TENM3: variants seen among roughly 807,000 people sequenced by gnomAD.
The protein encoded by TENM3 is teneurin transmembrane protein 3, also known as teneurin-3.
A neutral mutation model predicts 255.1 loss-of-function variants in TENM3; 63 were observed. The ratio of observed to expected loss-of-function variants is 0.25; its 90% CI spans 0.20 to 0.30. The LOEUF is 0.30. Ranked by LOEUF, TENM3 falls within the 10% of genes least tolerant of loss-of-function variation. The pLI, the probability that TENM3 is intolerant of heterozygous loss-of-function variation, is 1.00. For synonymous variants in TENM3, 1,306 were observed against 1,322.3 expected (o/e 0.99, Z 0.27); for missense variants, 2,929 against 3,461.1 (o/e 0.85, Z 3.86).
chr4:181,856,133 G>GGA, the TENM3 span, among the ~76,000 whole-genome samples: 5 of 132,554 alleles, frequency 3.8e-5, no homozygotes, highest in East Asian at 2.6e-4. Context: ...AGGAAAGAAG[G>GGA]AAGAAGGAAG....
At chr4:182,384,311 G>GTTTTTTTTTTT (rs10638816) in intron 3 of TENM3, among the ~76,000 whole-genome samples, 1 of 147,860 alleles carries the variant, frequency 6.8e-6, no homozygotes. Flanking sequence ...CTGTGGTTCA[G>GTTTTTTTTTTT]TTTTTTTTTT....
intron 1 of TENM3, among the ~76,000 whole-genome samples, chr4:182,296,819 A>G (rs950838125): frequency 6.6e-6 from 1 of 152,178 alleles, no homozygotes; most frequent in African/African-American, 2.4e-5. Context: ...CTGATTTTTT[A>G]AAACACAAAT....
chr4:181,971,132 G>A, the TENM3 span, among the ~76,000 whole-genome samples: 1 of 152,104 alleles, frequency 6.6e-6, no homozygotes, highest in South Asian at 2.1e-4. Context: ...GTAATTTTTA[G>A]TGATATTCAG....
intron 3 of TENM3, among the ~76,000 whole-genome samples, chr4:182,383,007 C>T (rs1047037924): frequency 3.9e-5 from 6 of 152,110 alleles, no homozygotes; most frequent in Non-Finnish European, 8.8e-5. Context: ...CTTGCTAAAA[C>T]GTTAAGGAAG....
the TENM3 span, among the ~76,000 whole-genome samples, chr4:181,658,454 T>C: frequency 6.6e-6 from 1 of 152,176 alleles, no homozygotes; most frequent in African/African-American, 2.4e-5. Flanking sequence ...TCTTAGCCTC[T>C]CAACCTTCAA....
the TENM3 span, among the ~76,000 whole-genome samples, chr4:181,504,725 T>G: frequency 6.6e-6 from 1 of 152,240 alleles, no homozygotes. Flanking sequence ...GGCAACGCAC[T>G]TACCTTGAAG....
At chr4:182,769,629 C>CA (rs57243837) in intron 22 of TENM3, among the ~76,000 whole-genome samples, 1 of 150,366 alleles carries the variant, frequency 6.7e-6, no homozygotes, top group Non-Finnish European at 1.5e-5. Context: ...TAAAAATACA[C>CA]AAAAAAATTA....
chr4:181,984,793 T>C, the TENM3 span, among the ~76,000 whole-genome samples: 1 of 13,712 alleles, frequency 7.3e-5, no homozygotes, highest in African/African-American at 2.3e-4. Context: ...AAGAGTCGTG[T>C]GTGTGTGTGT....
chr4:182,060,451 A>G, the TENM3 span, among the ~76,000 whole-genome samples: 1 of 152,056 alleles, frequency 6.6e-6, no homozygotes, highest in Non-Finnish European at 1.5e-5. Flanking sequence ...ACAGTTCACA[A>G]TAGGATTCAC....
At chr4:182,694,347 C>T (rs1757228332) in intron 12 of TENM3, among the ~76,000 whole-genome samples, 1 of 152,066 alleles carries the variant, frequency 6.6e-6, no homozygotes, top group Non-Finnish European at 1.5e-5. Context: ...CTCCAGGACG[C>T]AAGCAATCCA....
the TENM3 span, among the ~76,000 whole-genome samples, chr4:181,867,038 C>A: frequency 6.6e-6 from 1 of 152,130 alleles, no homozygotes; most frequent in Non-Finnish European, 1.5e-5. Context: ...CCCCAATAAA[C>A]CTCTGCTTCT....
the TENM3 span, among the ~76,000 whole-genome samples, chr4:181,952,954 C>T: frequency 6.6e-6 from 1 of 152,226 alleles, no homozygotes; most frequent in Non-Finnish European, 1.5e-5. Flanking sequence ...ATGCATTCAA[C>T]AGTCATTGTG....
At chr4:181,748,011 T>C in the TENM3 span, among the ~76,000 whole-genome samples, 22 of 152,064 alleles carry the variant, frequency 1.4e-4, no homozygotes, top group Non-Finnish European at 2.4e-4. Flanking sequence ...CTAGCTATGC[T>C]AATTATTGTA....
intron 22 of TENM3, among the ~76,000 whole-genome samples, chr4:182,764,884 A>G (rs1561219088): frequency 6.6e-6 from 1 of 152,142 alleles, no homozygotes; most frequent in Non-Finnish European, 1.5e-5. Context: ...TTAAGGTAGA[A>G]AAGTAGGTTA....
the TENM3 span, among the ~76,000 whole-genome samples, chr4:181,745,013 C>T: frequency 2.2e-3 from 333 of 152,122 alleles, 3 homozygotes; most frequent in Middle Eastern, 0.014. Flanking sequence ...GAATTCTCAG[C>T]ATATAGATGG....
At chr4:182,081,427 T>C in the TENM3 span, among the ~76,000 whole-genome samples, 4 of 151,164 alleles carry the variant, frequency 2.6e-5, no homozygotes, top group African/African-American at 9.7e-5. Context: ...CTACTAAAAC[T>C]ATAAAAATTA....
the TENM3 span, among the ~76,000 whole-genome samples, chr4:181,612,714 G>T: frequency 7.2e-5 from 11 of 152,214 alleles, no homozygotes; most frequent in African/African-American, 2.6e-4. Context: ...CGAATAGCAA[G>T]AAGAGAAGAC....
At chr4:182,183,131 AAAAAT>A (rs1157376969) in intron 1 of TENM3, among the ~76,000 whole-genome samples, 1 of 152,202 alleles carries the variant, frequency 6.6e-6, no homozygotes, top group Non-Finnish European at 1.5e-5. Flanking sequence ...TAGCAACTGA[AAAAAT>A]AGGGAGTTGC....
At chr4:182,540,528 G>A (rs916320788) in intron 3 of TENM3, among the ~76,000 whole-genome samples, 3 of 152,082 alleles carry the variant, frequency 2.0e-5, no homozygotes, top group Admixed American at 6.6e-5. Flanking sequence ...CGGAGGTTAC[G>A]GTGAGCCGAG....
Sources: allele counts gnomAD v4.1 joint callset (sites outside exome capture counted in the v4.1 genomes callset), GRCh38; gene constraint gnomAD v4.1.1; transcripts MANE v1.5; gene names NCBI Gene and HGNC (gene_info 2026-07-23, HGNC 2026-07-21).